Variants in ACVR1B observed in about 807,000 individuals in gnomAD.
ACVR1B encodes activin receptor type-1B.
ACVR1B carries 15 observed loss-of-function variants against 55.6 expected under a neutral mutation model. That is an observed-to-expected ratio of 0.27 (90% CI 0.18 to 0.42). The LOEUF is 0.42. Ranked by LOEUF, ACVR1B falls within the 10% of genes least tolerant of loss-of-function variation. The pLI, the probability that ACVR1B is intolerant of heterozygous loss-of-function variation, is 1.00. For synonymous variants in ACVR1B, 247 were observed against 254.6 expected, an observed-to-expected ratio of 0.97 and a Z score of 0.28; for missense variants, 359 against 670.1, an observed-to-expected ratio of 0.54 and a Z score of 5.13.
intron 4 of ACVR1B, among the ~76,000 whole-genome samples, chr12:51,983,351 T>A (rs904227834): frequency 1.9e-4 from 29 of 152,356 alleles, no homozygotes; most frequent in African/African-American, 6.7e-4. Flanking sequence ...AAGGATGAGA[T>A]GCCTTTCTGG....
intron 1 of ACVR1B, among the ~76,000 whole-genome samples, chr12:51,961,802 G>A (rs534110042): frequency 3.9e-4 from 59 of 152,312 alleles, no homozygotes; most frequent in African/African-American, 1.3e-3. Context: ...ATCATAAACT[G>A]ATATCAAAGG....
rs1375742618 is a variant in ACVR1B, at chr12:51,951,730, C to T, written c.-14C>T. ...TGCTGGGCTGCGGCGGCGGCGGCGG[C>T]GGCGGTGGTTACTATGGCGGAGTCG... On this transcript the variant is annotated 5_prime_UTR_variant, in exon 1 of 9. Coordinates refer to ENST00000257963, the MANE Select transcript of ACVR1B (RefSeq NM_004302.5). 2.0e-5 allele frequency: 24 copies of T among 1,224,206 alleles called. No individual in the cohort carries two copies. Among genetic ancestry groups the T allele is most frequent in the Non-Finnish European group, 2.0e-5 (19 of 971,126 alleles). The allele number at this position is 1,224,206 out of a possible 1,614,324, so 75.8% of individuals were successfully genotyped here.
chr12:51,983,834 C>G (rs1302619076), intron 4 of ACVR1B, among the ~76,000 whole-genome samples, 165 bp from the exon 5 acceptor site: 1 of 152,178 alleles, frequency 6.6e-6, no homozygotes, highest in Non-Finnish European at 1.5e-5. Flanking sequence ...TGGTAGACCA[C>G]TATAAATGAA....
intron 7 of ACVR1B, 146 bp from the exon 8 acceptor site, chr12:51,991,717 T>G: frequency 2.1e-5 from 19 of 920,354 alleles, no homozygotes; most frequent in Non-Finnish European, 3.1e-5. Flanking sequence ...TGTGTATTTC[T>G]TGTTCCATAC....
intron 1 of ACVR1B, among the ~76,000 whole-genome samples, chr12:51,954,797 T>G (rs1941376878): frequency 6.6e-6 from 1 of 152,242 alleles, no homozygotes; most frequent in Non-Finnish European, 1.5e-5. Flanking sequence ...GAGACTGACT[T>G]ACTGATAGCC....
intron 3 of ACVR1B, among the ~76,000 whole-genome samples, chr12:51,980,493 T>C (rs917236506): frequency 4.6e-5 from 7 of 152,200 alleles, no homozygotes; most frequent in Non-Finnish European, 1.0e-4. Context: ...TGGGAACCCA[T>C]GGGCCGCACA....
intron 1 of ACVR1B, among the ~76,000 whole-genome samples, chr12:51,966,230 T>C (rs1941638265): frequency 6.6e-6 from 1 of 152,168 alleles, no homozygotes; most frequent in Non-Finnish European, 1.5e-5. Context: ...TAATAGCTTA[T>C]AGAAAATACA....
intron 1 of ACVR1B, 90 bp downstream of exon 1, chr12:51,951,924 C>T (rs979338156): frequency 5.1e-6 from 4 of 785,322 alleles, no homozygotes; most frequent in African/African-American, 3.7e-5. Flanking sequence ...TACAGCGCGC[C>T]CCCTCCCCAC....
intron 2 of ACVR1B, among the ~76,000 whole-genome samples, chr12:51,975,841 G>A (rs1173962797): frequency 6.6e-6 from 1 of 152,212 alleles, no homozygotes; most frequent in African/African-American, 2.4e-5. Context: ...GCCGAGCAAA[G>A]GTGACTCCTC....
chr12:51,973,776 C>T (rs566687174), intron 1 of ACVR1B, among the ~76,000 whole-genome samples: 14 of 152,284 alleles, frequency 9.2e-5, no homozygotes, highest in Non-Finnish European at 1.3e-4. Context: ...TCTGATGAAA[C>T]GTGAAAAAAT....
chr12:51,961,336 A>G (rs1683824937), intron 1 of ACVR1B, among the ~76,000 whole-genome samples: 1 of 152,168 alleles, frequency 6.6e-6, no homozygotes, highest in Non-Finnish European at 1.5e-5. Context: ...CTCTCAGTAA[A>G]ATCCTAGGTA....
rs1276175565 is a variant in ACVR1B, at chr12:51,994,146, A to T, written c.*36A>T. ...TCTCCACACGGAGCTCCTGGCAGCG[A>T]GAACTACGCACAGCTGCCGCGTTGA... On this transcript the variant is annotated 3_prime_UTR_variant, in exon 9 of 9. Coordinates refer to ENST00000257963, the MANE Select transcript of ACVR1B (RefSeq NM_004302.5). This position sits in a 1 kb window ranked among gnomAD's most constrained non-coding sequence, Gnocchi z 4.2. The T allele has an allele frequency of 6.2e-7, 1 of 1,608,530 alleles. No individual in the cohort carries two copies. Among genetic ancestry groups the T allele is most frequent in the Non-Finnish European group, 8.5e-7 (1 of 1,179,394 alleles).
intron 1 of ACVR1B, among the ~76,000 whole-genome samples, chr12:51,962,984 G>T (rs556815386): frequency 6.6e-6 from 1 of 152,180 alleles, no homozygotes; most frequent in African/African-American, 2.4e-5. Flanking sequence ...GAGATTCCCG[G>T]ACACGGTGGA....
chr12:51,994,125 C>T lies in ACVR1B; in HGVS notation c.*15C>T. The stretch of plus-strand genomic sequence containing the variant: ...TGAAGATCTAACTGCTCCCTCTCTC[C>T]ACACGGAGCTCCTGGCAGCGAGAAC... On this transcript the variant is annotated 3_prime_UTR_variant, in exon 9 of 9. Coordinates refer to ENST00000257963, the MANE Select transcript of ACVR1B (RefSeq NM_004302.5). The surrounding 1 kb of genome is among the most constrained non-coding windows in gnomAD (Gnocchi z 4.2). The T allele has an allele frequency of 1.2e-6, 2 of 1,612,234 alleles. No individual in the cohort carries two copies. The highest frequency in any genetic ancestry group is 1.7e-6 in the Non-Finnish European group (2 of 1,179,906).
rs1378825076 is a variant in ACVR1B, at chr12:51,989,000, C to T, written c.1261+2058C>T. Among the ~76,000 whole-genome samples, 4 of 152,264 alleles carry T rather than the reference C, an allele frequency of 2.6e-5. No individual in the cohort carries two copies. In the South Asian group the frequency reaches 8.3e-4, roughly 32 times the overall value. On this transcript the variant is annotated intron_variant, in intron 7 of 8. Coordinates refer to ENST00000257963, the MANE Select transcript of ACVR1B (RefSeq NM_004302.5). ...GACATAAAGGCCAGGCATGGTGGCT[C>T]ACGCCTGTAATCCCAGCACTTTGGG...
chr12:51,983,921 A>G (rs961652664), intron 4 of ACVR1B, 78 bp from the exon 5 acceptor site: 66 of 1,485,482 alleles, frequency 4.4e-5, no homozygotes, highest in Non-Finnish European at 5.5e-5. Context: ...TTTGTGTTGT[A>G]TACACTCATC....
intron 5 of ACVR1B, among the ~76,000 whole-genome samples, chr12:51,984,968 A>G (rs1177505030): frequency 6.6e-6 from 1 of 152,244 alleles, no homozygotes; most frequent in African/African-American, 2.4e-5. Flanking sequence ...TAACTTAGCT[A>G]CATGAATGCA....
intron 1 of ACVR1B, among the ~76,000 whole-genome samples, chr12:51,963,564 T>C (rs1051448741): frequency 1.3e-5 from 2 of 152,244 alleles, no homozygotes; most frequent in Non-Finnish European, 2.9e-5. Flanking sequence ...AGAATCTTAA[T>C]GTGTGGCTTC....
At chr12:51,987,202 C>A in intron 7 of ACVR1B, 1 of 678,548 alleles carries the variant, frequency 1.5e-6, no homozygotes, top group Non-Finnish European at 2.7e-6. Context: ...AACAAACAAA[C>A]ATTGTTTTAT....
Sources: gnomAD v4.1 joint callset for allele counts (sites outside exome capture counted in the v4.1 genomes callset) on GRCh38, gnomAD v4.1.1 for gene constraint, Gnocchi (gnomAD v3.1) non-coding constraint, MANE v1.5 for transcripts, NCBI Gene and HGNC (gene_info 2026-07-23, HGNC 2026-07-21) for gene names.